The following SCGB2B2 variants were observed in gnomAD, a reference collection of about 807,000 sequenced individuals.
The protein encoded by SCGB2B2 is secretoglobin family 2B member 2.
SCGB2B2 carries 11 observed loss-of-function variants against 7.6 expected under a neutral mutation model. The observed-to-expected ratio is 1.45, with a 90% CI of 0.91 to 2.40. The LOEUF (loss-of-function observed/expected upper bound fraction) is 2.40. Ranked by LOEUF, SCGB2B2 falls within the 30% of genes most tolerant of loss-of-function variation. The pLI is 0.00. For synonymous variants in SCGB2B2, 50 were observed against 48.6 expected (o/e 1.03, Z -0.12); for missense variants, 104 against 115.4 (o/e 0.90, Z 0.45).
chr19:34,630,266 A>G (rs1300734063), intron 1 of SCGB2B2, among the ~76,000 whole-genome samples: 1 of 151,962 alleles, frequency 6.6e-6, no homozygotes, highest in Non-Finnish European at 1.5e-5. Context: ...GACAAATGGG[A>G]TCTAATTAAA....
chr19:34,671,430 T>C (rs2067799672), intron 1 of SCGB2B2, among the ~76,000 whole-genome samples: 1 of 144,404 alleles, frequency 6.9e-6, no homozygotes, highest in African/African-American at 2.5e-5. Flanking sequence ...CGTTTAACTT[T>C]ATGCATCTTT....
At chr19:34,608,897 A>AACCT (rs1214544680) in intron 1 of SCGB2B2, 2 of 151,678 alleles carry the variant, frequency 1.3e-5, no homozygotes, top group African/African-American at 4.8e-5. Flanking sequence ...TTTTTTGAGA[A>AACCT]ACCTCCATAT....
chr19:34,673,156 G>A (rs2067842534), intron 1 of SCGB2B2, among the ~76,000 whole-genome samples: 1 of 152,216 alleles, frequency 6.6e-6, no homozygotes, highest in African/African-American at 2.4e-5. Flanking sequence ...GAAAGGGACA[G>A]AAGGCAGCTA....
rs114851490 is a variant in SCGB2B2, at chr19:34,603,180, G to A, written c.-2031-6586C>T. ...CTAAATTAACTTAGATTTATGAAAG[G>A]ACAAAGAAAAAGCATGTTCAGCATT... On this transcript the variant is annotated intron_variant, in intron 1 of 3. Transcript: ENST00000601241. Among the ~76,000 whole-genome samples, 1,080 of 152,256 alleles carry A rather than the reference G, an allele frequency of 7.1e-3. 15 individuals are homozygous for A. The highest frequency in any genetic ancestry group is 0.025 in the African/African-American group (1,025 of 41,522).
intron 1 of SCGB2B2, among the ~76,000 whole-genome samples, chr19:34,597,393 T>G (rs1040559422): frequency 6.6e-6 from 1 of 151,934 alleles, no homozygotes; most frequent in Non-Finnish European, 1.5e-5. Flanking sequence ...TTGGGGGTGG[T>G]GGTGGCTGGA....
chr19:34,612,900 C>A (rs2065972571), intron 1 of SCGB2B2, among the ~76,000 whole-genome samples: 1 of 152,110 alleles, frequency 6.6e-6, no homozygotes, highest in African/African-American at 2.4e-5. Context: ...TGATCTTTTA[C>A]CATTTGATCC....
At chr19:34,653,654 A>G in intron 1 of SCGB2B2, among the ~76,000 whole-genome samples, 1 of 151,292 alleles carries the variant, frequency 6.6e-6, no homozygotes, top group Admixed American at 6.6e-5. Flanking sequence ...AAATAAAAGA[A>G]TAGTTCAACA....
intron 1 of SCGB2B2, among the ~76,000 whole-genome samples, chr19:34,652,020 T>C (rs2067173283): frequency 6.6e-6 from 1 of 151,050 alleles, no homozygotes; most frequent in Admixed American, 6.6e-5. Context: ...CAAGAACATT[T>C]ACTGGTGAAT....
At chr19:34,658,576 C>G (rs895278094) in intron 1 of SCGB2B2, among the ~76,000 whole-genome samples, 1 of 151,964 alleles carries the variant, frequency 6.6e-6, no homozygotes, top group African/African-American at 2.4e-5. Flanking sequence ...CTGAATAGAC[C>G]AATAACAGGT....
At chr19:34,588,323 T>C (rs2065225588), downstream of SCGB2B2, among the ~76,000 whole-genome samples, 1 of 152,220 alleles carries the variant, frequency 6.6e-6, no homozygotes, top group Non-Finnish European at 1.5e-5. Context: ...TTGTTGTTCA[T>C]GACAGCCTCT....
intron 1 of SCGB2B2, among the ~76,000 whole-genome samples, chr19:34,672,680 C>A (rs972000374): frequency 6.6e-6 from 1 of 152,158 alleles, no homozygotes; most frequent in Non-Finnish European, 1.5e-5. Context: ...TTGCTGTGGT[C>A]TGAATATTTG....
chr19:34,668,298 G>T (rs912702683), intron 1 of SCGB2B2, among the ~76,000 whole-genome samples: 4 of 152,168 alleles, frequency 2.6e-5, no homozygotes, highest in African/African-American at 9.7e-5. Context: ...GCTGCCGGCC[G>T]GCCCTGCCTG....
chr19:34,587,973 T>C (rs202238621), downstream of SCGB2B2, among the ~76,000 whole-genome samples: 4 of 152,340 alleles, frequency 2.6e-5, no homozygotes, highest in East Asian at 7.7e-4. Context: ...ATCAGTGATA[T>C]TGGCCTATAG....
At position 34,593,528 on chromosome 19, in the gene SCGB2B2, A is replaced by G; in HGVS notation, c.*27T>C. The G allele has an allele frequency of 6.5e-7, 1 of 1,537,838 alleles. No homozygotes were observed. The highest frequency in any genetic ancestry group is 8.8e-7 in the Non-Finnish European group (1 of 1,135,594). On this transcript the variant is annotated 3_prime_UTR_variant, in exon 4 of 4. Transcript: ENST00000601241. ...GAGCCCCAAGGAAGGCAGGAGGGCCAATATCTGATCTGCAGGGGTCCTCAG... is the reference window on the plus strand; with the variant it reads ...GAGCCCCAAGGAAGGCAGGAGGGCCGATATCTGATCTGCAGGGGTCCTCAG...
At chr19:34,615,826 C>T (rs2066059536) in intron 1 of SCGB2B2, among the ~76,000 whole-genome samples, 1 of 148,460 alleles carries the variant, frequency 6.7e-6, no homozygotes, top group South Asian at 2.2e-4. Flanking sequence ...GGTATATCTC[C>T]CAATGCTATC....
intron 1 of SCGB2B2, among the ~76,000 whole-genome samples, chr19:34,613,689 T>C (rs749101588): frequency 6.6e-6 from 1 of 152,242 alleles, no homozygotes; most frequent in Non-Finnish European, 1.5e-5. Flanking sequence ...TTCCTTTCTT[T>C]TTCTCCTTTA....
At chr19:34,647,482 TCTCCA>T (rs2067051654) in intron 1 of SCGB2B2, among the ~76,000 whole-genome samples, 1 of 152,106 alleles carries the variant, frequency 6.6e-6, no homozygotes, top group African/African-American at 2.4e-5. Flanking sequence ...TCCTTTCTCC[TCTCCA>T]CTCATTCTTT....
chr19:34,598,315 A>G (rs1378331891), intron 1 of SCGB2B2, among the ~76,000 whole-genome samples: 1 of 152,142 alleles, frequency 6.6e-6, no homozygotes, highest in Non-Finnish European at 1.5e-5. Flanking sequence ...GGTCTAGGGA[A>G]TTATGGAGCA....
At chr19:34,646,075 G>A (rs2067003586) in intron 1 of SCGB2B2, 1 of 239,918 alleles carries the variant, frequency 4.2e-6, no homozygotes, top group Non-Finnish European at 8.3e-6. Context: ...TGGTAAGTGT[G>A]CCCTGGGGAA....
Sources: gnomAD v4.1 joint callset for allele counts (sites outside exome capture counted in the v4.1 genomes callset) on GRCh38, gnomAD v4.1.1 for gene constraint, MANE v1.5 for transcripts, NCBI Gene and HGNC (gene_info 2026-07-23, HGNC 2026-07-21) for gene names.